MBNL1: variants seen among roughly 807,000 people sequenced by gnomAD.
MBNL1 encodes the protein muscleblind like splicing regulator 1, also known as muscleblind-like protein 1.
In MBNL1, 8 loss-of-function variants were observed where a neutral mutation model predicts 42.2. The ratio of observed to expected loss-of-function variants is 0.19; its 90% CI spans 0.11 to 0.34. The LOEUF (loss-of-function observed/expected upper bound fraction) is 0.34. MBNL1 is among the 10% of genes least tolerant of loss of function. MBNL1 has a pLI of 1.00. For synonymous variants in MBNL1, 169 were observed against 173.9 expected, an observed-to-expected ratio of 0.97 and a Z score of 0.22; for missense variants, 309 against 495.3, an observed-to-expected ratio of 0.62 and a Z score of 3.57.
chr3:152,331,951 C>A (rs1330348520), intron 2 of MBNL1, among the ~76,000 whole-genome samples: 1 of 152,146 alleles, frequency 6.6e-6, no homozygotes, highest in Non-Finnish European at 1.5e-5. Context: ...CTCAGCCTCC[C>A]AAAGTGCTGG....
chr3:152,340,653 G>T (rs754219241), intron 2 of MBNL1: 2 of 1,613,998 alleles, frequency 1.2e-6, no homozygotes. Context: ...AAATGTTCCA[G>T]AGTGTTAGAA....
chr3:152,283,388 T>G (rs77427177), intron 1 of MBNL1, among the ~76,000 whole-genome samples: 4,316 of 152,162 alleles, frequency 0.028, 99 homozygotes, highest in Admixed American at 0.076. Flanking sequence ...GTTGTTGTTG[T>G]TGGTGGTGGT....
At chr3:152,277,635 A>T (rs1230406918) in intron 1 of MBNL1, among the ~76,000 whole-genome samples, 2 of 152,130 alleles carry the variant, frequency 1.3e-5, no homozygotes, top group Non-Finnish European at 2.9e-5. Flanking sequence ...GTTATATTTC[A>T]AATAGAATAG....
At chr3:152,256,514 C>A (rs1206743772) in intron 2 of MBNL1, among the ~76,000 whole-genome samples, 1 of 152,074 alleles carries the variant, frequency 6.6e-6, no homozygotes, top group Non-Finnish European at 1.5e-5. Context: ...CAACATCAAC[C>A]CGCTCCCCTT....
At chr3:152,425,437 T>A (rs181521518) in intron 3 of MBNL1, among the ~76,000 whole-genome samples, 1 of 151,806 alleles carries the variant, frequency 6.6e-6, no homozygotes. Flanking sequence ...TGAAGCCCTG[T>A]CTCTACTAAA....
chr3:152,403,971 G>A (rs2098340442), intron 2 of MBNL1, among the ~76,000 whole-genome samples: 1 of 152,202 alleles, frequency 6.6e-6, no homozygotes, highest in African/African-American at 2.4e-5. Flanking sequence ...TGATCTGTCT[G>A]AAGGAGACTG....
intron 3 of MBNL1, among the ~76,000 whole-genome samples, chr3:152,427,385 C>A (rs1267050547): frequency 1.3e-5 from 2 of 152,118 alleles, no homozygotes; most frequent in African/African-American, 4.8e-5. Context: ...TTTTATTCGT[C>A]ATTTGCTACC....
intron 5 of MBNL1, 63 bp from the exon 6 acceptor site, chr3:152,447,556 GA>G: frequency 1.5e-6 from 2 of 1,371,426 alleles, no homozygotes; most frequent in Non-Finnish European, 2.0e-6. Flanking sequence ...GCCTTCGACT[GA>G]TTTTTCTTTT....
In MBNL1 at chr3:152,286,452, TA is replaced by T. The variant is rs1217930591; in HGVS notation, c.-789-12951del. ...AATATAAATATTTATATTTTATTTA[TA>T]ATATAAATATATTTTATTTATAATA... On this transcript the variant is annotated intron_variant, in intron 1 of 9. Transcript: ENST00000324210. 2.1e-3 allele frequency among the ~76,000 whole-genome samples: 168 copies of T among 80,044 alleles called. 8 individuals carry two copies. The highest frequency in any genetic ancestry group is 7.8e-3 in the African/African-American group (157 of 20,108). 52.5% of individuals were successfully genotyped at this position (80,044 alleles called of 152,430 possible). A position where few individuals can be genotyped will look rare whatever the true frequency, so the allele number is the denominator to read the frequency against.
chr3:152,272,949 G>A (rs998487539), intron 1 of MBNL1, among the ~76,000 whole-genome samples: 3 of 152,060 alleles, frequency 2.0e-5, no homozygotes, highest in African/African-American at 4.8e-5. Flanking sequence ...TTATTTTCTC[G>A]AAGGATGCCA....
At chr3:152,289,534 TAGTC>T (rs1273634159) in intron 1 of MBNL1, among the ~76,000 whole-genome samples, 1 of 152,052 alleles carries the variant, frequency 6.6e-6, no homozygotes, top group African/African-American at 2.4e-5. Flanking sequence ...GAGTCAGTGT[TAGTC>T]AGTGAAAACA....
At chr3:152,285,544 C>T (rs1221003031) in intron 1 of MBNL1, among the ~76,000 whole-genome samples, 1 of 151,122 alleles carries the variant, frequency 6.6e-6, no homozygotes, top group Non-Finnish European at 1.5e-5. Flanking sequence ...ATATTATTTG[C>T]TATTTTTGAA....
chr3:152,333,012 C>G (rs1050397267), intron 2 of MBNL1, among the ~76,000 whole-genome samples: 11 of 152,066 alleles, frequency 7.2e-5, no homozygotes, highest in African/African-American at 2.2e-4. Context: ...GTACCTTCCT[C>G]CAATGTTGGT....
chr3:152,354,683 A>G (rs2095377331), intron 2 of MBNL1, among the ~76,000 whole-genome samples: 2 of 151,810 alleles, frequency 1.3e-5, no homozygotes, highest in Non-Finnish European at 2.9e-5. Flanking sequence ...TGGTTTATAT[A>G]GAATAAAATA....
chr3:152,254,891 A>G (rs1331578162), intron 2 of MBNL1, among the ~76,000 whole-genome samples: 2 of 152,142 alleles, frequency 1.3e-5, no homozygotes, highest in Non-Finnish European at 2.9e-5. Context: ...AAGGAAAAAT[A>G]TAGAAGTTCA....
intron 2 of MBNL1, among the ~76,000 whole-genome samples, chr3:152,319,318 C>T (rs530902506): frequency 6.6e-6 from 1 of 152,062 alleles, no homozygotes; most frequent in South Asian, 2.1e-4. Context: ...TTAGAATTGC[C>T]ATCAGAAGAG....
intron 2 of MBNL1, among the ~76,000 whole-genome samples, chr3:152,402,979 A>G (rs2098292110): frequency 6.6e-6 from 1 of 152,198 alleles, no homozygotes; most frequent in African/African-American, 2.4e-5. Context: ...ACAAAATACA[A>G]AGGAAGATAC....
intron 3 of MBNL1, among the ~76,000 whole-genome samples, chr3:152,420,049 C>T (rs923081114): frequency 5.3e-5 from 8 of 152,160 alleles, no homozygotes; most frequent in Non-Finnish European, 1.2e-4. Flanking sequence ...AGCCAGGCTG[C>T]CTCTCTAGAT....
At chr3:152,259,355 G>C (rs577615585) in intron 2 of MBNL1, among the ~76,000 whole-genome samples, 7 of 152,126 alleles carry the variant, frequency 4.6e-5, no homozygotes, top group African/African-American at 1.4e-4. Flanking sequence ...AAAGGCACTT[G>C]ATACATCATT....
Sources: allele counts gnomAD v4.1 joint callset (sites outside exome capture counted in the v4.1 genomes callset), GRCh38; gene constraint gnomAD v4.1.1; transcripts MANE v1.5; gene names NCBI Gene and HGNC (gene_info 2026-07-23, HGNC 2026-07-21).